Variants in MEGF6 observed in about 807,000 individuals in gnomAD.
The protein encoded by MEGF6 is multiple EGF like domains 6.
MEGF6 carries 184 observed loss-of-function variants against 207.1 expected under a neutral mutation model. That is an observed-to-expected ratio of 0.89 (90% CI 0.79 to 1.00). The LOEUF is 1.00. MEGF6 is among the 50% of genes least tolerant of loss of function. The pLI, the probability that MEGF6 is intolerant of heterozygous loss-of-function variation, is 0.00. For missense variants in MEGF6, 2,282 were observed against 2,202.9 expected, an observed-to-expected ratio of 1.04 and a Z score of -0.72; for synonymous variants, 1,038 against 910.0, an observed-to-expected ratio of 1.14 and a Z score of -2.53.
At position 3,491,737 on chromosome 1, in the gene MEGF6, C is replaced by T. The variant is rs1042759410; in HGVS notation, c.4517-778G>A. 6.0e-5 allele frequency among the ~76,000 whole-genome samples: 9 copies of T among 148,990 alleles called. 1 individual carries two copies. The highest frequency in any genetic ancestry group is 2.0e-4 in the African/African-American group (8 of 40,068). The stretch of plus-strand genomic sequence containing the variant: ...CTCCCACTTCCCTCTGCAGAGACAA[C>T]CTTTCCCAACACCGCTGGGGGGTAC... On this transcript the variant is annotated intron_variant, in intron 35 of 36. Transcript: ENST00000356575.
At chr1:3,613,311 C>T (rs1052266292), upstream of MEGF6, among the ~76,000 whole-genome samples, 2 of 152,198 alleles carry the variant, frequency 1.3e-5, no homozygotes, top group Admixed American at 6.5e-5. Flanking sequence ...CCAAGAAAAC[C>T]TCCCCAGTGC....
chr1:3,510,726 T>C (rs1472761220), intron 10 of MEGF6, 57 bp downstream of exon 10: 4 of 1,550,744 alleles, frequency 2.6e-6, no homozygotes, highest in Non-Finnish European at 3.5e-6. Context: ...GTGTCCTTCC[T>C]TAGGGCAGCC....
intron 1 of MEGF6, among the ~76,000 whole-genome samples, chr1:3,605,623 TGCACAC>T (rs1644238005): frequency 6.6e-6 from 1 of 152,040 alleles, no homozygotes. Context: ...TACATACTCA[TGCACAC>T]GCACACTTCT....
intron 3 of MEGF6, among the ~76,000 whole-genome samples, chr1:3,584,177 C>T (rs1316918817): frequency 6.6e-6 from 1 of 152,240 alleles, no homozygotes; most frequent in Non-Finnish European, 1.5e-5. Context: ...CATGTCCAGG[C>T]CATGTCTGTA....
intron 4 of MEGF6, among the ~76,000 whole-genome samples, chr1:3,561,082 G>C (rs901291997): frequency 6.6e-5 from 10 of 152,178 alleles, no homozygotes; most frequent in African/African-American, 2.2e-4. Context: ...TGCTACAAGG[G>C]TAAAGGACCC....
intron 1 of MEGF6, among the ~76,000 whole-genome samples, chr1:3,603,216 G>A (rs928745523): frequency 2.6e-5 from 4 of 152,214 alleles, no homozygotes; most frequent in Admixed American, 2.6e-4. Context: ...TAAACCAGGG[G>A]AGGGGGCATG....
chr1:3,586,834 G>A (rs560170618), intron 3 of MEGF6, among the ~76,000 whole-genome samples: 4 of 152,206 alleles, frequency 2.6e-5, no homozygotes, highest in Non-Finnish European at 5.9e-5. Context: ...TGCCGGGCCC[G>A]CCGGCCTGAT....
chr1:3,612,769 C>T (rs923450779), upstream of MEGF6, among the ~76,000 whole-genome samples: 2 of 152,042 alleles, frequency 1.3e-5, no homozygotes, highest in African/African-American at 4.8e-5. Context: ...AAGGGAGCAC[C>T]CCCTGACTGT....
intron 14 of MEGF6, 142 bp from the exon 15 acceptor site, chr1:3,506,378 C>T (rs979233423): frequency 1.9e-6 from 2 of 1,034,942 alleles, no homozygotes; most frequent in South Asian, 3.3e-5. Flanking sequence ...GGTGAGCCTT[C>T]CGGATGTGGC....
intron 5 of MEGF6, among the ~76,000 whole-genome samples, chr1:3,522,890 C>G (rs891230421): frequency 1.3e-5 from 2 of 152,182 alleles, no homozygotes; most frequent in Non-Finnish European, 1.5e-5. Flanking sequence ...CCAGGGGGTG[C>G]AAGGCTAAAG....
At position 3,560,928 on chromosome 1, in the gene MEGF6, C is replaced by T. The variant is rs1643182243; in HGVS notation, c.481+18897G>A. On this transcript the variant is annotated intron_variant, in intron 4 of 36. Transcript: ENST00000356575. The surrounding 1 kb of genome is among the most constrained non-coding windows in gnomAD (Gnocchi z 4.0). ...CAGGCCTCTACTACCCTCTGGCACA[C>T]ATCCATCTAGTGCCCCAGGGGCTTC... 5.3e-6 allele frequency: 2 copies of T among 379,878 alleles called. No individual in the cohort carries two copies. Among genetic ancestry groups the T allele is most frequent in the South Asian group, 2.0e-5 (1 of 50,996 alleles). 23.5% of individuals were successfully genotyped at this position (379,878 alleles called of 1,614,324 possible).
In MEGF6 at chr1:3,599,104, G is replaced by A. The variant is rs554696400; in HGVS notation, c.266+3362C>T. Among the ~76,000 whole-genome samples the A allele has an allele frequency of 9.7e-4, 148 of 152,328 alleles. 2 individuals are homozygous for A. The highest frequency in any genetic ancestry group is 3.3e-3 in the African/African-American group (137 of 41,578). ...CCCAGAAGCCAGACGAGGGGCTGAC[G>A]CCTGCTGCCCTTCTGACCGCAGCCA... On this transcript the variant is annotated intron_variant, in intron 2 of 36. Coordinates refer to ENST00000356575, the MANE Select transcript of MEGF6 (RefSeq NM_001409.4).
In MEGF6 at chr1:3,524,163, G is replaced by A. The variant is rs1403366559; in HGVS notation, c.565C>T (p.Pro189Ser). Residue 189 changes from proline (P) to serine (S), a missense_variant, in exon 5 of 37, where the codon CCC (proline) becomes TCC (serine). By Grantham distance (74) the Pro-to-Ser change is moderately conservative (BLOSUM62 -1). Transcript: ENST00000356575. Reference sequence around the variant, plus strand: ...CTGTCAGTGTGGAGCCGGAAGCCGGGCTTGCACTCACAGAGGTAGGAGCCT... The same window carrying A: ...CTGTCAGTGTGGAGCCGGAAGCCGGACTTGCACTCACAGAGGTAGGAGCCT... The part of the protein sequence containing the change: ...TPGSYLCECK[P>S]GFRLHTDSRT... The A allele has an allele frequency of 6.2e-7, 1 of 1,612,738 alleles. No individual in the cohort carries two copies.
At chr1:3,548,863 G>T (rs1156850731) in intron 4 of MEGF6, among the ~76,000 whole-genome samples, 1 of 152,118 alleles carries the variant, frequency 6.6e-6, no homozygotes, top group Non-Finnish European at 1.5e-5. Context: ...GCAGCTGGGG[G>T]CCTTCAGGGA....
At chr1:3,579,084 C>A (rs959365789) in intron 4 of MEGF6, among the ~76,000 whole-genome samples, 6 of 152,242 alleles carry the variant, frequency 3.9e-5, no homozygotes, top group African/African-American at 1.4e-4. Context: ...AGCCCCAGGG[C>A]CACTGGGAGT....
At chr1:3,527,468 G>A (rs34724272) in intron 4 of MEGF6, among the ~76,000 whole-genome samples, 42,758 of 152,152 alleles carry the variant, frequency 0.28, 6,727 homozygotes, top group Non-Finnish European at 0.35. Flanking sequence ...AGACCCCGAG[G>A]GTCCCTAAGC....
rs1642348640 is a variant in MEGF6 at position 3,536,918 on chromosome 1, A to G, written c.482-12672T>C. 2.0e-5 allele frequency among the ~76,000 whole-genome samples: 3 copies of G among 152,258 alleles called. No individual in the cohort carries two copies. The South Asian group carries it at 6.2e-4, about 31-fold the overall frequency. The stretch of plus-strand genomic sequence containing the variant: ...CAACTGCTGTGTGTGTCTGTCCCTC[A>G]GTGCTCACCTCCGACACCCGCTCCA... On this transcript the variant is annotated intron_variant, in intron 4 of 36. Coordinates refer to ENST00000356575, the MANE Select transcript of MEGF6 (RefSeq NM_001409.4).
At chr1:3,579,116 C>T (rs958282592) in intron 4 of MEGF6, among the ~76,000 whole-genome samples, 37 of 152,218 alleles carry the variant, frequency 2.4e-4, no homozygotes, top group South Asian at 2.1e-4. Flanking sequence ...TCGGGACGGC[C>T]GTGGCTCAGG....
At chr1:3,562,391 T>G (rs1162926598) in intron 4 of MEGF6, among the ~76,000 whole-genome samples, 2 of 152,210 alleles carry the variant, frequency 1.3e-5, no homozygotes, top group South Asian at 2.1e-4. Context: ...TCTCTGTCTT[T>G]GTCTTTCCCC....
Sources: gnomAD v4.1 joint callset for allele counts (sites outside exome capture counted in the v4.1 genomes callset) on GRCh38, gnomAD v4.1.1 for gene constraint, Gnocchi (gnomAD v3.1) non-coding constraint, MANE v1.5 for transcripts, NCBI Gene and HGNC (gene_info 2026-07-23, HGNC 2026-07-21) for gene names.